MTCL2: variants seen among roughly 807,000 people sequenced by gnomAD.
MTCL2 encodes microtubule cross-linking factor 2.
chr20:36,778,004 A>G, the MTCL2 span: 4 of 496,920 alleles, frequency 8.0e-6, no homozygotes, highest in Admixed American at 4.3e-5. Flanking sequence ...CAAGGGAGAA[A>G]CAGTCAGGGT....
At chr20:36,781,481 A>G in the MTCL2 span, 7 of 151,896 alleles carry the variant, frequency 4.6e-5, no homozygotes, top group Non-Finnish European at 5.9e-5. Context: ...GGCTGCGGTG[A>G]GCTGAAATGG....
the MTCL2 span, chr20:36,780,580 G>A: frequency 6.6e-6 from 1 of 152,212 alleles, no homozygotes; most frequent in Non-Finnish European, 1.5e-5. Flanking sequence ...GGCACTGAAA[G>A]GCTGGGCTGG....
chr20:36,839,097 G>T, the MTCL2 span: 1 of 861,326 alleles, frequency 1.2e-6, no homozygotes, highest in Non-Finnish European at 1.8e-6. The surrounding 1 kb of genome is among the most constrained non-coding windows in gnomAD (Gnocchi z 5.1). Context: ...GGAAACTGAG[G>T]CCCAGAGAGG....
the MTCL2 span, among the ~76,000 whole-genome samples, chr20:36,820,913 A>G: frequency 1.3e-5 from 2 of 152,244 alleles, no homozygotes; most frequent in Non-Finnish European, 2.9e-5. Flanking sequence ...CTGGAAAGAT[A>G]CAAAGCAAAC....
At chr20:36,840,186 A>T in the MTCL2 span, among the ~76,000 whole-genome samples, 2 of 140,030 alleles carry the variant, frequency 1.4e-5, no homozygotes, top group East Asian at 2.1e-4. Flanking sequence ...TTTTTTTGAG[A>T]CGGAGTCTCG....
the MTCL2 span, among the ~76,000 whole-genome samples, chr20:36,853,081 G>A: frequency 2.7e-5 from 4 of 149,980 alleles, no homozygotes; most frequent in Admixed American, 6.6e-5. Context: ...AAAAGGTCCC[G>A]GGGAAAGAAG....
At chr20:36,815,163 T>C in the MTCL2 span, 1 of 1,606,488 alleles carries the variant, frequency 6.2e-7, no homozygotes, top group Non-Finnish European at 8.5e-7. This position sits in a 1 kb window ranked among gnomAD's most constrained non-coding sequence, Gnocchi z 5.3. Context: ...CAGAAGAATC[T>C]CCTTAGAGAG....
chr20:36,843,065 C>T, the MTCL2 span, among the ~76,000 whole-genome samples: 2 of 152,170 alleles, frequency 1.3e-5, no homozygotes, highest in South Asian at 2.1e-4. Flanking sequence ...CCACTCTGCT[C>T]CCGTCAGAGG....
the MTCL2 span, chr20:36,797,008 A>G: frequency 6.6e-7 from 1 of 1,525,760 alleles, no homozygotes; most frequent in Non-Finnish European, 9.1e-7. Flanking sequence ...CACTAAGGGC[A>G]TGGAACAAGA....
the MTCL2 span, among the ~76,000 whole-genome samples, chr20:36,851,604 C>T: frequency 6.6e-6 from 1 of 152,250 alleles, no homozygotes; most frequent in African/African-American, 2.4e-5. Flanking sequence ...CTCAAGTCTC[C>T]ACTGAAATGC....
At chr20:36,782,474 A>G in the MTCL2 span, 1 of 152,194 alleles carries the variant, frequency 6.6e-6, no homozygotes, top group African/African-American at 2.4e-5. Context: ...GCACTAACCC[A>G]TGTCCTGCCA....
At chr20:36,813,752 C>CAAAAAA in the MTCL2 span, among the ~76,000 whole-genome samples, 2 of 65,822 alleles carry the variant, frequency 3.0e-5, no homozygotes, top group Admixed American at 4.5e-4. Context: ...GACTCTGTCT[C>CAAAAAA]AAAAAAAAAA....
the MTCL2 span, among the ~76,000 whole-genome samples, chr20:36,830,894 G>A: frequency 5.3e-5 from 8 of 152,328 alleles, no homozygotes; most frequent in East Asian, 7.7e-4. Context: ...GGGCATGATC[G>A]CTGGAGGTCA....
chr20:36,857,884 C>A, the MTCL2 span, among the ~76,000 whole-genome samples: 12 of 152,176 alleles, frequency 7.9e-5, no homozygotes, highest in Non-Finnish European at 1.6e-4. Flanking sequence ...CCATCTGCGT[C>A]CTCACATTGA....
At chr20:36,843,896 T>C in the MTCL2 span, among the ~76,000 whole-genome samples, 1 of 152,226 alleles carries the variant, frequency 6.6e-6, no homozygotes, top group African/African-American at 2.4e-5. Flanking sequence ...TAGAGTCATT[T>C]TTGGAAATCA....
At chr20:36,851,195 G>GTATATTGTATATATTTGTACAA in the MTCL2 span, among the ~76,000 whole-genome samples, 1 of 151,996 alleles carries the variant, frequency 6.6e-6, no homozygotes, top group Non-Finnish European at 1.5e-5. Context: ...ATATTGTACA[G>GTATATTGTATATATTTGTACAA]TATATTGTAT....
At chr20:36,794,822 G>A in the MTCL2 span, 10 of 596,286 alleles carry the variant, frequency 1.7e-5, no homozygotes, top group Non-Finnish European at 2.7e-5. The surrounding 1 kb of genome is among the most constrained non-coding windows in gnomAD (Gnocchi z 5.4). Context: ...AGGCTGGAAT[G>A]CAGTAGTGCA....
chr20:36,863,274 G>A, the MTCL2 span: 18 of 1,191,622 alleles, frequency 1.5e-5, no homozygotes, highest in Non-Finnish European at 1.7e-5. The surrounding 1 kb of genome is among the most constrained non-coding windows in gnomAD (Gnocchi z 6.2). Flanking sequence ...CCTCTCCGGG[G>A]CAGGCGCGGG....
chr20:36,857,263 A>G, the MTCL2 span, among the ~76,000 whole-genome samples: 1 of 152,004 alleles, frequency 6.6e-6, no homozygotes, highest in African/African-American at 2.4e-5. Context: ...GGGGTGTAAG[A>G]TGTGTATATG....
Sources: allele counts gnomAD v4.1 joint callset (sites outside exome capture counted in the v4.1 genomes callset), GRCh38; gene constraint gnomAD v4.1.1; non-coding constraint Gnocchi (gnomAD v3.1); transcripts MANE v1.5; gene names NCBI Gene and HGNC (gene_info 2026-07-23, HGNC 2026-07-21).